LIN28B: variants seen among roughly 807,000 people sequenced by gnomAD.
LIN28B encodes the protein protein lin-28 homolog B.
In LIN28B, 5 loss-of-function variants were observed where a neutral mutation model predicts 21.9. The observed-to-expected ratio is 0.23, with a 90% CI of 0.12 to 0.48. The LOEUF (loss-of-function observed/expected upper bound fraction) is 0.48. Among genes scored for constraint, LIN28B ranks in the 20% least tolerant of loss-of-function variants. LIN28B has a pLI of 0.98. For synonymous variants in LIN28B, 109 were observed against 111.3 expected (o/e 0.98, Z 0.13); for missense variants, 245 against 310.5 (o/e 0.79, Z 1.58).
intron 2 of LIN28B, among the ~76,000 whole-genome samples, chr6:105,017,072 C>CAAAAAAAAAAAAAAAAAA (rs56179020): frequency 1.2e-5 from 1 of 86,064 alleles, no homozygotes; most frequent in Non-Finnish European, 2.2e-5. Flanking sequence ...GACTCTGTCT[C>CAAAAAAAAAAAAAAAAAA]AAAAAAAAAA....
chr6:105,038,434 G>A (rs1231431744), intron 3 of LIN28B, among the ~76,000 whole-genome samples: 1 of 152,152 alleles, frequency 6.6e-6, no homozygotes, highest in African/African-American at 2.4e-5. Flanking sequence ...TTGGTCAGCA[G>A]GGCCAACAGT....
In LIN28B at chr6:104,973,522, T is replaced by A. The variant is rs369239272; in HGVS notation, c.198+15236T>A. Among the ~76,000 whole-genome samples, 7 of 152,276 alleles carry A rather than the reference T, an allele frequency of 4.6e-5. 1 individual carries two copies. In the South Asian group the frequency reaches 8.3e-4, roughly 18 times the overall value. The stretch of plus-strand genomic sequence containing the variant: ...CTTTCTTTAGTCTCCTTCTCCTCTC[T>A]TTTTTCCTCCTCCCCCCACTCCCCT... On this transcript the variant is annotated intron_variant, in intron 2 of 3. Transcript: ENST00000345080.
At chr6:104,966,930 TA>T in intron 2 of LIN28B, among the ~76,000 whole-genome samples, 1 of 152,102 alleles carries the variant, frequency 6.6e-6, no homozygotes, top group Middle Eastern at 3.4e-3. Context: ...CTCTGGCTGA[TA>T]TTTTTTATTA....
At chr6:105,042,859 C>G (rs1003669912) in intron 3 of LIN28B, among the ~76,000 whole-genome samples, 2 of 152,138 alleles carry the variant, frequency 1.3e-5, no homozygotes, top group African/African-American at 4.8e-5. Flanking sequence ...AACATGAGTA[C>G]AGAGGTGGCT....
chr6:104,940,640 T>C (rs1157825093), intron 2 of LIN28B: 1 of 150,486 alleles, frequency 6.6e-6, no homozygotes, highest in African/African-American at 2.4e-5. Flanking sequence ...TGCCGCCGGC[T>C]GACGCAGGGC....
At chr6:105,070,592 C>CCA (rs752057191) in intron 3 of LIN28B, among the ~76,000 whole-genome samples, 7,360 of 92,124 alleles carry the variant, frequency 0.08, 393 homozygotes, top group East Asian at 0.12. Flanking sequence ...ATCAATAAAA[C>CCA]CACACACACA....
intron 2 of LIN28B, among the ~76,000 whole-genome samples, chr6:104,938,010 C>G (rs144967372): frequency 9.0e-6 from 1 of 111,566 alleles, no homozygotes; most frequent in Non-Finnish European, 1.6e-5. Flanking sequence ...CACCAGAAGT[C>G]TGAGAATAGC....
At chr6:105,009,863 T>C (rs1217893702) in intron 2 of LIN28B, among the ~76,000 whole-genome samples, 1 of 152,184 alleles carries the variant, frequency 6.6e-6, no homozygotes, top group Non-Finnish European at 1.5e-5. Context: ...GCCAAGAGTA[T>C]AGTCTGAAAA....
At chr6:105,047,186 AT>A (rs2114377192) in intron 3 of LIN28B, among the ~76,000 whole-genome samples, 1 of 152,280 alleles carries the variant, frequency 6.6e-6, no homozygotes, top group Non-Finnish European at 1.5e-5. Context: ...TATTGAATTA[AT>A]TTTTGTATAA....
chr6:105,022,570 G>A (rs1373945553), intron 2 of LIN28B, among the ~76,000 whole-genome samples: 1 of 152,056 alleles, frequency 6.6e-6, no homozygotes, highest in East Asian at 1.9e-4. Flanking sequence ...CTGCCTTTTG[G>A]GTATGGGCAG....
At chr6:105,060,464 A>G (rs991762594) in intron 3 of LIN28B, among the ~76,000 whole-genome samples, 6 of 152,210 alleles carry the variant, frequency 3.9e-5, no homozygotes, top group Non-Finnish European at 8.8e-5. Flanking sequence ...TTTCATTTAT[A>G]TTATCCACAG....
intron 2 of LIN28B, among the ~76,000 whole-genome samples, chr6:104,991,217 G>A (rs1770467313): frequency 6.6e-6 from 1 of 150,950 alleles, no homozygotes; most frequent in African/African-American, 2.4e-5. Context: ...AGACGGGGTG[G>A]CTGGCCGGGC....
Position 105,078,554 on chromosome 6 carries a change from G to A in LIN28B, c.524G>A (p.Ser175Asn). Residue 175 changes from serine to asparagine, a missense_variant, in exon 4 of 4, where the codon AGT (serine) becomes AAT (asparagine). Coordinates refer to ENST00000345080, the MANE Select transcript of LIN28B (RefSeq NM_001004317.4). ...AAAAATGTTGCACAGCCACCCGCGAGTTCTCAGGGAAGACAGGAAGCAGAA... is the reference window on the plus strand; with the variant it reads ...AAAAATGTTGCACAGCCACCCGCGAATTCTCAGGGAAGACAGGAAGCAGAA... ...PHKNVAQPPA[S>N]SQGRQEAESQ... is the part of the protein sequence containing the mutation. 6.2e-7 allele frequency: 1 copy of A among 1,614,142 alleles called. No homozygotes were observed. Among genetic ancestry groups the A allele is most frequent in the Non-Finnish European group, 8.5e-7 (1 of 1,180,044 alleles).
chr6:105,046,351 C>A (rs1418947751), intron 3 of LIN28B, among the ~76,000 whole-genome samples: 1 of 152,096 alleles, frequency 6.6e-6, no homozygotes, highest in Non-Finnish European at 1.5e-5. Flanking sequence ...TGAACTCATC[C>A]TTTTTTATAG....
rs543217271 is a variant in LIN28B, at chr6:104,973,139, ATGTTTGGGAAATTGTCT to A, written c.198+14858_198+14874del. Among the ~76,000 whole-genome samples the A allele has an allele frequency of 4.0e-5, 6 of 151,560 alleles. No individual in the cohort carries two copies. The South Asian group carries it at 1.0e-3, about 26-fold the overall frequency. On this transcript the variant is annotated intron_variant, in intron 2 of 3. Coordinates refer to ENST00000345080, the MANE Select transcript of LIN28B (RefSeq NM_001004317.4). Reference sequence around the variant, plus strand: ...AAAAAAAAAAAAGTCTTAACAAATGATGTTTGGGAAATTGTCTTGTTAGATGGTGACCACTTTTCCAT... The same window carrying A: ...AAAAAAAAAAAAGTCTTAACAAATGATGTTAGATGGTGACCACTTTTCCAT...
intron 3 of LIN28B, among the ~76,000 whole-genome samples, chr6:105,078,085 G>A (rs715153): frequency 1.1e-3 from 167 of 152,182 alleles, no homozygotes; most frequent in African/African-American, 3.8e-3. Flanking sequence ...GGGCTTAATG[G>A]TTCTTTTAAA....
chr6:105,044,728 T>C (rs976601273), intron 3 of LIN28B, among the ~76,000 whole-genome samples: 1 of 152,226 alleles, frequency 6.6e-6, no homozygotes, highest in Non-Finnish European at 1.5e-5. Context: ...TCAATAGTTT[T>C]AGGGGTACAA....
chr6:104,938,050 CAAAAAAAAAAAAAAAAA>C (rs10562331), intron 2 of LIN28B, among the ~76,000 whole-genome samples: 1 of 73,710 alleles, frequency 1.4e-5, no homozygotes, highest in African/African-American at 6.1e-5. Context: ...CCTGTCTCTA[CAAAAAAAAAAAAAAAAA>C]AAAAAAAAAA....
At chr6:104,992,508 GTGTGTGTT>G (rs1272305551) in intron 2 of LIN28B, among the ~76,000 whole-genome samples, 18 of 114,138 alleles carry the variant, frequency 1.6e-4, no homozygotes, top group African/African-American at 3.8e-4. Context: ...GTGTGTGTGT[GTGTGTGTT>G]TTTTTTTTAA....
Sources: gnomAD v4.1 joint callset for allele counts (sites outside exome capture counted in the v4.1 genomes callset) on GRCh38, gnomAD v4.1.1 for gene constraint, MANE v1.5 for transcripts, NCBI Gene and HGNC (gene_info 2026-07-23, HGNC 2026-07-21) for gene names.